Variants in GRAMD4 observed in about 807,000 individuals in gnomAD.
The protein encoded by GRAMD4 is GRAM domain containing 4.
A neutral mutation model predicts 83.9 loss-of-function variants in GRAMD4; 25 were observed. The ratio of observed to expected loss-of-function variants is 0.30; its 90% CI spans 0.22 to 0.42. The LOEUF is 0.42. Among genes scored for constraint, GRAMD4 ranks in the 10% least tolerant of loss-of-function variants. The pLI, the probability that GRAMD4 is intolerant of heterozygous loss-of-function variation, is 1.00. For synonymous variants in GRAMD4, 336 were observed against 320.9 expected (o/e 1.05, Z -0.50); for missense variants, 593 against 788.7 (o/e 0.75, Z 2.97).
chr22:46,636,584 T>G (rs751793863), intron 2 of GRAMD4, among the ~76,000 whole-genome samples: 1 of 152,238 alleles, frequency 6.6e-6, no homozygotes, highest in Non-Finnish European at 1.5e-5. Flanking sequence ...GGTGGCCTTG[T>G]TGAAGCCGCA....
At chr22:46,593,898 A>AT (rs1252931672) in intron 1 of GRAMD4, among the ~76,000 whole-genome samples, 2 of 150,890 alleles carry the variant, frequency 1.3e-5, no homozygotes, top group Admixed American at 6.6e-5. Context: ...TAATTTTTGT[A>AT]TTTTTTTAGT....
At chr22:46,626,552 A>G (rs1217288001) in intron 1 of GRAMD4, among the ~76,000 whole-genome samples, 199 bp from the exon 2 acceptor site, 4 of 150,640 alleles carry the variant, frequency 2.7e-5, no homozygotes, top group Admixed American at 2.0e-4. Flanking sequence ...TTTCTTTGGA[A>G]AGCTGGACCG....
chr22:46,638,091 C>T, intron 3 of GRAMD4, 131 bp downstream of exon 3: 1 of 964,266 alleles, frequency 1.0e-6, no homozygotes, highest in Non-Finnish European at 1.6e-6. Flanking sequence ...GACACGAGCC[C>T]TGGGCAGCTG....
chr22:46,630,374 C>T (rs2081749790), intron 2 of GRAMD4, among the ~76,000 whole-genome samples: 1 of 152,162 alleles, frequency 6.6e-6, no homozygotes, highest in Non-Finnish European at 1.5e-5. Context: ...CAGTTCCATT[C>T]TTGGACTGTG....
intron 1 of GRAMD4, among the ~76,000 whole-genome samples, chr22:46,610,944 G>A (rs1438022204): frequency 6.6e-6 from 1 of 152,166 alleles, no homozygotes; most frequent in Non-Finnish European, 1.5e-5. Flanking sequence ...GCCGGGAGTG[G>A]TGGCTCATGC....
At chr22:46,680,367 C>T (rs2082654290), downstream of GRAMD4, among the ~76,000 whole-genome samples, 1 of 151,948 alleles carries the variant, frequency 6.6e-6, no homozygotes, top group African/African-American at 2.4e-5. Context: ...GCCTCAAGCC[C>T]ACAGGAGCCC....
At chr22:46,662,298 CT>C (rs2082339260) in intron 5 of GRAMD4, among the ~76,000 whole-genome samples, 3 of 152,202 alleles carry the variant, frequency 2.0e-5, no homozygotes, top group South Asian at 4.1e-4. Context: ...CTGCAGCCCC[CT>C]GGGTATGGTG....
intron 2 of GRAMD4, 114 bp from the exon 3 acceptor site, chr22:46,637,726 T>G: frequency 9.0e-7 from 1 of 1,105,444 alleles, no homozygotes; most frequent in Non-Finnish European, 1.3e-6. Flanking sequence ...GCTGGTCCCT[T>G]TCACATGCCA....
At chr22:46,601,230 A>G (rs1486117869) in intron 1 of GRAMD4, among the ~76,000 whole-genome samples, 3 of 152,150 alleles carry the variant, frequency 2.0e-5, no homozygotes, top group Admixed American at 1.3e-4. Context: ...GTGATTTGTC[A>G]GGAGACAGCT....
rs2081592691 is a variant in GRAMD4, at chr22:46,622,689, G to T, written c.-50+2124G>T. Among the ~76,000 whole-genome samples the T allele has an allele frequency of 6.6e-6, 1 of 152,172 alleles. No individual in the cohort carries two copies. The highest frequency in any genetic ancestry group is 6.5e-5 in the Admixed American group (1 of 15,276). On this transcript the variant is annotated intron_variant, in intron 1 of 18. Coordinates refer to ENST00000406902, the MANE Select transcript of GRAMD4 (RefSeq NM_015124.5). The surrounding 1 kb of genome is among the most constrained non-coding windows in gnomAD (Gnocchi z 4.0). ...AGCACTTTGGGAGGCCGAGGCGGGT[G>T]GATCACGAGGTCAGGAGATTGAGAC...
In GRAMD4 at chr22:46,677,817, T is replaced by G; in HGVS notation, c.*566T>G. 1.0e-6 allele frequency: 1 copy of G among 985,316 alleles called. No homozygotes were observed. The highest frequency in any genetic ancestry group is 1.2e-6 in the Non-Finnish European group (1 of 830,078). 61.0% of individuals were successfully genotyped at this position (985,316 alleles called of 1,614,324 possible). A position where few individuals can be genotyped will look rare whatever the true frequency, so the allele number is the denominator to read the frequency against. On this transcript the variant is annotated 3_prime_UTR_variant, in exon 19 of 19. Coordinates refer to ENST00000406902, the MANE Select transcript of GRAMD4 (RefSeq NM_015124.5). ...ACCCTCCTGTGGCATTTGCCCTTGG[T>G]GCCGGGCTGGGGCCGGGCGCAGTGA...
At chr22:46,668,028 T>A in intron 10 of GRAMD4, 68 bp from the exon 11 acceptor site, 2 of 1,141,484 alleles carry the variant, frequency 1.8e-6, no homozygotes, top group Non-Finnish European at 2.6e-6. Flanking sequence ...GGCTCCACAC[T>A]GTTTTGTCAG....
At chr22:46,652,020 C>CT (rs2082173741) in intron 3 of GRAMD4, among the ~76,000 whole-genome samples, 1 of 152,162 alleles carries the variant, frequency 6.6e-6, no homozygotes, top group African/African-American at 2.4e-5. Context: ...TGCCTAGGCA[C>CT]TTGGTTCCTT....
rs775569904 is a variant in GRAMD4 at position 46,626,936 on chromosome 22, G to C, written c.137G>C (p.Arg46Pro). ...IPLKVPRTSPRDSEELRDPAG... is the reference protein window; with the variant it reads ...IPLKVPRTSPPDSEELRDPAG... Reference sequence around the variant, plus strand: ...CTGAAGGTACCGCGGACCTCGCCCCGGGACAGCGAGGAGCTGAGGGACCCT... The same window carrying C: ...CTGAAGGTACCGCGGACCTCGCCCCCGGACAGCGAGGAGCTGAGGGACCCT... Residue 46 changes from arginine to proline, a missense_variant, in exon 2 of 19, where the codon CGG becomes CCG. This residue lies in a region of GRAMD4 where 312 missense variants were observed against 350.7 expected (regional missense o/e 0.89). Coordinates refer to ENST00000406902, the MANE Select transcript of GRAMD4 (RefSeq NM_015124.5). 8.1e-6 allele frequency: 13 copies of C among 1,613,606 alleles called. No individual in the cohort carries two copies. In the East Asian group the frequency reaches 2.5e-4, roughly 30 times the overall value.
chr22:46,659,921 TG>T lies in GRAMD4; in HGVS notation c.405-1459del, dbSNP rs1251306752. On this transcript the variant is annotated intron_variant, in intron 4 of 18. Transcript: ENST00000406902. The surrounding 1 kb of genome is among the most constrained non-coding windows in gnomAD (Gnocchi z 4.1). The stretch of plus-strand genomic sequence containing the variant: ...ATTATGTAGAGTTGCAACAGAGACC[TG>T]ACCTGCCACGCTGGGAGATCCCAGG... 6.6e-6 allele frequency among the ~76,000 whole-genome samples: 1 copy of T among 152,212 alleles called. No homozygotes were observed. Among genetic ancestry groups the T allele is most frequent in the Non-Finnish European group, 1.5e-5 (1 of 68,034 alleles).
At chr22:46,658,690 G>GT in intron 4 of GRAMD4, among the ~76,000 whole-genome samples, 1 of 152,096 alleles carries the variant, frequency 6.6e-6, no homozygotes, top group Admixed American at 6.5e-5. Flanking sequence ...CATCCACCCA[G>GT]TGCCCCACCC....
intron 1 of GRAMD4, among the ~76,000 whole-genome samples, chr22:46,598,027 G>A (rs1006034907): frequency 6.6e-6 from 1 of 152,072 alleles, no homozygotes; most frequent in Non-Finnish European, 1.5e-5. Context: ...TGTCGCCCAG[G>A]CTGGAGTGCA....
chr22:46,597,183 G>A (rs898703286), intron 1 of GRAMD4, among the ~76,000 whole-genome samples: 3 of 152,194 alleles, frequency 2.0e-5, no homozygotes, highest in African/African-American at 7.2e-5. Context: ...GCCAGGTGTA[G>A]GCCCTGGAGG....
chr22:46,646,722 G>T (rs1284441846), intron 3 of GRAMD4, among the ~76,000 whole-genome samples: 2 of 152,216 alleles, frequency 1.3e-5, no homozygotes, highest in African/African-American at 4.8e-5. Flanking sequence ...TGCTCTTACA[G>T]TTTCTCTGGT....
Sources: allele counts gnomAD v4.1 joint callset (sites outside exome capture counted in the v4.1 genomes callset), GRCh38; gene constraint gnomAD v4.1.1; regional missense constraint gnomAD v4.1.1; non-coding constraint Gnocchi (gnomAD v3.1); transcripts MANE v1.5; gene names NCBI Gene and HGNC (gene_info 2026-07-23, HGNC 2026-07-21).